The following ABHD12B variants were observed in gnomAD, a reference collection of about 807,000 sequenced individuals.
ABHD12B encodes abhydrolase domain containing 12B.
ABHD12B carries 42 observed loss-of-function variants against 50.4 expected under a neutral mutation model. The observed-to-expected ratio is 0.83, with a 90% CI of 0.65 to 1.08. ABHD12B has a LOEUF of 1.08. ABHD12B is among the 50% of genes least tolerant of loss of function. The probability of loss-of-function intolerance (pLI) is 0.00; values close to 1 mark genes in which losing one functional copy is unlikely to be tolerated. For synonymous variants in ABHD12B, 167 were observed against 160.3 expected, an observed-to-expected ratio of 1.04 and a Z score of -0.32; for missense variants, 479 against 447.7, an observed-to-expected ratio of 1.07 and a Z score of -0.63.
Position 50,899,248 on chromosome 14 carries a change from G to A in ABHD12B, c.781-2581G>A, listed in dbSNP as rs76780872. 6.5e-3 allele frequency among the ~76,000 whole-genome samples: 989 copies of A among 152,248 alleles called. 9 individuals carry two copies. Among genetic ancestry groups the A allele is most frequent in the African/African-American group, 0.022 (894 of 41,536 alleles). On this transcript the variant is annotated intron_variant, in intron 9 of 12. Coordinates refer to ENST00000337334, the MANE Select transcript of ABHD12B (RefSeq NM_001206673.2). ...CAAGGAGATTCCTGGGGGAATAGCA[G>A]GCCTAAGCCAGAACTATGAAGCAGC...
chr14:50,873,822 C>T (rs947452976), intron 1 of ABHD12B, among the ~76,000 whole-genome samples: 1 of 152,178 alleles, frequency 6.6e-6, no homozygotes, highest in African/African-American at 2.4e-5. Context: ...GCACATCATA[C>T]TCATAGAGAA....
At chr14:50,896,761 C>T (rs1035360285) in intron 9 of ABHD12B, among the ~76,000 whole-genome samples, 12 of 152,108 alleles carry the variant, frequency 7.9e-5, no homozygotes, top group Non-Finnish European at 8.8e-5. Context: ...AACGGCCCCA[C>T]CCCTATCTCC....
intron 8 of ABHD12B, 123 bp from the exon 9 acceptor site, chr14:50,888,701 A>T: frequency 1.3e-6 from 1 of 769,298 alleles, no homozygotes; most frequent in Admixed American, 2.5e-5. Flanking sequence ...ATTATTAATA[A>T]CCTTCACAAA....
At chr14:50,875,829 T>C (rs956440357) in intron 1 of ABHD12B, among the ~76,000 whole-genome samples, 4 of 152,204 alleles carry the variant, frequency 2.6e-5, no homozygotes, top group African/African-American at 9.7e-5. Flanking sequence ...TATGAATTAT[T>C]CCTTAAAAAA....
At chr14:50,897,876 C>G (rs1339300293) in intron 9 of ABHD12B, among the ~76,000 whole-genome samples, 1 of 152,160 alleles carries the variant, frequency 6.6e-6, no homozygotes, top group Non-Finnish European at 1.5e-5. Flanking sequence ...CCTTTCCGTC[C>G]CTCTTTCTGT....
At position 50,878,229 on chromosome 14, in the gene ABHD12B, T is replaced by C. The variant is rs1173723924; in HGVS notation, c.232+150T>C. ...TCTGAAACTTATTTAATATTGACTTTGAAGTCTAGCAGGAATCCTTGCAAA... is the reference window on the plus strand; with the variant it reads ...TCTGAAACTTATTTAATATTGACTTCGAAGTCTAGCAGGAATCCTTGCAAA... On this transcript the variant is annotated intron_variant, in intron 2 of 12. Transcript: ENST00000337334. The C allele has an allele frequency of 1.3e-5, 10 of 743,220 alleles. 1 individual carries two copies. Among genetic ancestry groups the C allele is most frequent in the Admixed American group, 6.3e-5 (2 of 31,626 alleles). The allele number at this position is 743,220 out of a possible 1,614,324, so 46.0% of individuals were successfully genotyped here.
intron 11 of ABHD12B, 36 bp from the exon 12 acceptor site, chr14:50,904,038 A>T (rs1200598901): frequency 6.5e-7 from 1 of 1,540,790 alleles, no homozygotes; most frequent in East Asian, 2.3e-5. Flanking sequence ...ACAGCTTTGA[A>T]TGGCCATCCT....
At chr14:50,881,007 A>G (rs915560982) in intron 4 of ABHD12B, among the ~76,000 whole-genome samples, 2 of 152,082 alleles carry the variant, frequency 1.3e-5, no homozygotes, top group African/African-American at 4.8e-5. Context: ...TGAAAATATG[A>G]CTCCTTAAGA....
chr14:50,880,633 G>T, intron 4 of ABHD12B, 62 bp downstream of exon 4: 2 of 1,459,888 alleles, frequency 1.4e-6, no homozygotes, highest in Non-Finnish European at 1.8e-6. Context: ...GCCCCATGGG[G>T]GAATGAAGGA....
chr14:50,886,570 T>C (rs1373128917), intron 7 of ABHD12B, 77 bp from the exon 8 acceptor site: 2 of 1,398,362 alleles, frequency 1.4e-6, no homozygotes. Context: ...CCAGAGCTTT[T>C]ATCAGATGCT....
intron 10 of ABHD12B, 74 bp from the exon 11 acceptor site, chr14:50,903,315 A>C: frequency 8.4e-7 from 1 of 1,196,812 alleles, no homozygotes; most frequent in Non-Finnish European, 1.2e-6. Flanking sequence ...GTTTTGCTAA[A>C]GCTTTAACTT....
chr14:50,902,054 G>T, intron 10 of ABHD12B, 143 bp downstream of exon 10: 2 of 543,164 alleles, frequency 3.7e-6, no homozygotes, highest in South Asian at 3.2e-5. Context: ...CTTCTTAGAT[G>T]GGCACTAAGA....
intron 5 of ABHD12B, among the ~76,000 whole-genome samples, chr14:50,883,567 C>T (rs745971483): frequency 6.6e-6 from 1 of 152,264 alleles, no homozygotes; most frequent in African/African-American, 2.4e-5. Context: ...AGCTAATGTC[C>T]GTGAGAATGT....
chr14:50,904,216 A>G, intron 12 of ABHD12B, 24 bp downstream of exon 12: 6 of 1,613,438 alleles, frequency 3.7e-6, no homozygotes, highest in Non-Finnish European at 5.1e-6. Context: ...TGCTAAATGT[A>G]TGTTGCCCTT....
At chr14:50,881,563 C>T (rs114700216) in intron 4 of ABHD12B, 33 bp from the exon 5 acceptor site, 14 of 1,411,450 alleles carry the variant, frequency 9.9e-6, no homozygotes, top group African/African-American at 1.5e-5. Flanking sequence ...CTAATTCTTG[C>T]TTTTTTTTTT....
intron 9 of ABHD12B, chr14:50,895,607 T>C (rs1020558681): frequency 1.1e-4 from 17 of 152,256 alleles, no homozygotes; most frequent in South Asian, 6.2e-4. Flanking sequence ...GCTCTCTGAC[T>C]GACTCCTTCC....
At chr14:50,874,773 C>A (rs570798234) in intron 1 of ABHD12B, among the ~76,000 whole-genome samples, 4 of 152,176 alleles carry the variant, frequency 2.6e-5, no homozygotes. Flanking sequence ...TTCATTCTTT[C>A]CACAGCGTTG....
chr14:50,875,105 A>G (rs1401047270), intron 1 of ABHD12B, among the ~76,000 whole-genome samples: 1 of 152,188 alleles, frequency 6.6e-6, no homozygotes, highest in African/African-American at 2.4e-5. Context: ...TAGAGTGGAG[A>G]AGACAGGGCT....
intron 9 of ABHD12B, chr14:50,892,668 C>T: frequency 2.3e-6 from 2 of 858,526 alleles, no homozygotes; most frequent in Non-Finnish European, 2.8e-6. Context: ...CTGTATTATT[C>T]CCTTTCTCAT....
Sources: gnomAD v4.1 joint callset for allele counts (sites outside exome capture counted in the v4.1 genomes callset) on GRCh38, gnomAD v4.1.1 for gene constraint, MANE v1.5 for transcripts, NCBI Gene and HGNC (gene_info 2026-07-23, HGNC 2026-07-21) for gene names.